PTPRD: variants seen among roughly 807,000 people sequenced by gnomAD.
PTPRD encodes receptor-type tyrosine-protein phosphatase delta.
PTPRD carries 34 observed loss-of-function variants against 214.5 expected under a neutral mutation model. The ratio of observed to expected loss-of-function variants is 0.16; its 90% CI spans 0.12 to 0.21. PTPRD has a LOEUF of 0.21. PTPRD is among the 10% of genes least tolerant of loss of function. PTPRD has a pLI of 1.00. For missense variants in PTPRD, 2,545 were observed against 2,398.7 expected, an observed-to-expected ratio of 1.06 and a Z score of -1.27; for synonymous variants, 1,128 against 845.7, an observed-to-expected ratio of 1.33 and a Z score of -5.79.
intron 4 of PTPRD, among the ~76,000 whole-genome samples, chr9:10,003,630 C>A (rs1033794805): frequency 6.6e-6 from 1 of 151,508 alleles, no homozygotes; most frequent in Admixed American, 6.6e-5. Flanking sequence ...ACTAAAATAA[C>A]CCAATAAGAT....
intron 2 of PTPRD, among the ~76,000 whole-genome samples, chr9:10,411,267 G>A (rs978658016): frequency 6.6e-6 from 1 of 151,638 alleles, no homozygotes; most frequent in Non-Finnish European, 1.5e-5. Flanking sequence ...GACCAATTTT[G>A]AAGGATACTA....
At chr9:9,967,172 C>T (rs774369018) in intron 4 of PTPRD, among the ~76,000 whole-genome samples, 4 of 152,124 alleles carry the variant, frequency 2.6e-5, no homozygotes, top group Admixed American at 1.3e-4. Flanking sequence ...TAGACAAATG[C>T]CTCAGCCACT....
intron 11 of PTPRD, among the ~76,000 whole-genome samples, chr9:8,930,115 C>T (rs1396999901): frequency 6.6e-6 from 1 of 150,984 alleles, no homozygotes; most frequent in African/African-American, 2.4e-5. Flanking sequence ...CCCACCCCCC[C>T]CCACACCACA....
intron 8 of PTPRD, among the ~76,000 whole-genome samples, chr9:9,455,723 G>C (rs1277841464): frequency 6.6e-6 from 1 of 151,580 alleles, no homozygotes; most frequent in Non-Finnish European, 1.5e-5. Flanking sequence ...AGGGGCAAAA[G>C]CATGGAATAG....
chr9:10,592,189 G>A (rs2075626771), intron 2 of PTPRD, among the ~76,000 whole-genome samples: 2 of 152,004 alleles, frequency 1.3e-5, no homozygotes, highest in African/African-American at 4.8e-5. Flanking sequence ...CAGGAAGATA[G>A]CTATATGACA....
intron 3 of PTPRD, among the ~76,000 whole-genome samples, chr9:10,193,189 CT>C (rs1048363702): frequency 4.6e-5 from 7 of 151,248 alleles, no homozygotes; most frequent in Admixed American, 2.0e-4. Context: ...GTCATTTTAT[CT>C]TTTTTTTTCC....
intron 44 of PTPRD, among the ~76,000 whole-genome samples, chr9:8,322,950 A>G (rs1829907066): frequency 6.6e-6 from 1 of 152,154 alleles, no homozygotes; most frequent in East Asian, 1.9e-4. Context: ...GAATTACACT[A>G]AATATACTCA....
intron 10 of PTPRD, among the ~76,000 whole-genome samples, chr9:9,054,140 A>G (rs536256110): frequency 2.6e-5 from 4 of 152,168 alleles, no homozygotes; most frequent in Non-Finnish European, 5.9e-5. Context: ...GCATCATTGC[A>G]TGTAATCCTC....
At chr9:8,586,193 C>T (rs1485298428) in intron 14 of PTPRD, among the ~76,000 whole-genome samples, 4 of 151,924 alleles carry the variant, frequency 2.6e-5, no homozygotes, top group South Asian at 2.1e-4. Flanking sequence ...CCAGCTACTT[C>T]GGAGGTTGAG....
intron 12 of PTPRD, among the ~76,000 whole-genome samples, chr9:8,697,039 C>G (rs2097925274): frequency 6.6e-6 from 1 of 152,144 alleles, no homozygotes; most frequent in East Asian, 1.9e-4. Flanking sequence ...ACAGTTTCTG[C>G]CTAGAAGAAT....
intron 3 of PTPRD, among the ~76,000 whole-genome samples, chr9:10,145,715 G>C (rs549412713): frequency 1.3e-5 from 2 of 151,988 alleles, no homozygotes; most frequent in African/African-American, 2.4e-5. Flanking sequence ...CAGCATGTGT[G>C]TATGTGTATA....
intron 14 of PTPRD, among the ~76,000 whole-genome samples, chr9:8,584,299 T>C (rs1392470193): frequency 6.6e-6 from 1 of 152,190 alleles, no homozygotes; most frequent in African/African-American, 2.4e-5. Flanking sequence ...AAGAAATCCC[T>C]ATCTATAAAT....
chr9:8,834,579 A>G (rs1376433164), intron 11 of PTPRD, among the ~76,000 whole-genome samples: 1 of 152,146 alleles, frequency 6.6e-6, no homozygotes, highest in Non-Finnish European at 1.5e-5. Context: ...TGACTATCCC[A>G]TGTGTCAGGC....
chr9:8,499,517 G>T, intron 25 of PTPRD, 130 bp downstream of exon 25: 1 of 870,628 alleles, frequency 1.1e-6, no homozygotes, highest in Non-Finnish European at 1.7e-6. Flanking sequence ...ATACATCAAT[G>T]TGAAATGAAA....
chr9:10,539,934 A>G (rs2058719516), intron 2 of PTPRD, among the ~76,000 whole-genome samples: 2 of 152,178 alleles, frequency 1.3e-5, no homozygotes, highest in Non-Finnish European at 1.5e-5. Context: ...ATTGTATGCC[A>G]ATTAATCAGC....
chr9:9,473,012 A>G lies in PTPRD; in HGVS notation c.-236-75530T>C, dbSNP rs140108646. Among the ~76,000 whole-genome samples, 277 of 152,304 alleles carry G rather than the reference A, an allele frequency of 1.8e-3. 1 individual carries two copies. The highest frequency in any genetic ancestry group is 6.5e-3 in the African/African-American group (271 of 41,568). On this transcript the variant is annotated intron_variant, in intron 8 of 45. Coordinates refer to ENST00000381196, the MANE Select transcript of PTPRD (RefSeq NM_002839.4). ...TCCTTTTCTAGATTTTTGAAAATATATATGAAATTATTGTTAATGAACTCT... is the reference window on the plus strand; with the variant it reads ...TCCTTTTCTAGATTTTTGAAAATATGTATGAAATTATTGTTAATGAACTCT...
chr9:10,175,039 C>T (rs921503711), intron 3 of PTPRD, among the ~76,000 whole-genome samples: 2 of 151,922 alleles, frequency 1.3e-5, no homozygotes, highest in Non-Finnish European at 2.9e-5. Flanking sequence ...GACTCATTTG[C>T]TAAGTTAGTG....
intron 2 of PTPRD, among the ~76,000 whole-genome samples, chr9:10,509,557 T>C (rs923384523): frequency 1.9e-5 from 2 of 106,688 alleles, no homozygotes; most frequent in Non-Finnish European, 3.6e-5. Flanking sequence ...TTAATAAATA[T>C]TATATATATA....
At chr9:9,836,602 T>C (rs1201439832) in intron 5 of PTPRD, among the ~76,000 whole-genome samples, 2 of 152,110 alleles carry the variant, frequency 1.3e-5, no homozygotes, top group African/African-American at 4.8e-5. Flanking sequence ...GTAATATCAA[T>C]CCTCTTCAAA....
Sources: gnomAD v4.1 joint callset for allele counts (sites outside exome capture counted in the v4.1 genomes callset) on GRCh38, gnomAD v4.1.1 for gene constraint, MANE v1.5 for transcripts, NCBI Gene and HGNC (gene_info 2026-07-23, HGNC 2026-07-21) for gene names.